The following GLIS3 variants were observed in gnomAD, a reference collection of about 807,000 sequenced individuals.
The protein encoded by GLIS3 is zinc finger protein GLIS3.
A neutral mutation model predicts 78.6 loss-of-function variants in GLIS3; 53 were observed. That is an observed-to-expected ratio of 0.67 (90% CI 0.54 to 0.85). The LOEUF (loss-of-function observed/expected upper bound fraction) is 0.85. Among genes scored for constraint, GLIS3 ranks in the 40% least tolerant of loss-of-function variants. The pLI, the probability that GLIS3 is intolerant of heterozygous loss-of-function variation, is 0.00. For synonymous variants in GLIS3, 684 were observed against 509.9 expected (o/e 1.34, Z -4.60); for missense variants, 1,703 against 1,231.1 (o/e 1.38, Z -5.74).
At chr9:4,028,496 G>A (rs887364107) in intron 4 of GLIS3, among the ~76,000 whole-genome samples, 1 of 152,082 alleles carries the variant, frequency 6.6e-6, no homozygotes, top group Non-Finnish European at 1.5e-5. Flanking sequence ...CAGTAAAATG[G>A]TTATTGAGGT....
chr9:4,475,998 C>T, the GLIS3 span, among the ~76,000 whole-genome samples: 536 of 152,300 alleles, frequency 3.5e-3, 1 homozygote, highest in African/African-American at 0.012. Context: ...ATACTCTCTC[C>T]TCAGCCTCCC....
At chr9:4,394,327 C>G in the GLIS3 span, among the ~76,000 whole-genome samples, 1 of 151,152 alleles carries the variant, frequency 6.6e-6, no homozygotes, top group Non-Finnish European at 1.5e-5. Flanking sequence ...ATTATTATCT[C>G]ATAATTTTAA....
rs1037728573 is a variant in GLIS3, at chr9:4,118,472, C to T, written c.1006G>A (p.Ala336Thr). 3 of 1,613,824 alleles carry T rather than the reference C, an allele frequency of 1.9e-6. No individual in the cohort carries two copies. Among genetic ancestry groups the T allele is most frequent in the African/African-American group, 1.3e-5 (1 of 74,952 alleles). Reference sequence around the variant, plus strand: ...TGCGGGGACAGGTTGGCCGGCGAAGCCCTCGACCCGTTGATGTAGGCCACC... The same window carrying T: ...TGCGGGGACAGGTTGGCCGGCGAAGTCCTCGACCCGTTGATGTAGGCCACC... ...SLVAYINGSR[A>T]SPANLSPQPE... is the part of the protein sequence containing the mutation. Residue 336 changes from alanine (A) to threonine (T), a missense_variant, in exon 4 of 11, where the codon GCT becomes ACT. Transcript: ENST00000381971. This position sits in a 1 kb window ranked among gnomAD's most constrained non-coding sequence, Gnocchi z 4.7.
rs115977984 is a variant in GLIS3 at position 3,977,303 on chromosome 9, A to C, written c.1711-40114T>G. ...GTTTAAAATGTAAGGACCGAGAGGA[A>C]AGCTCTTGGCTCTATCAGCCTTGCC... On this transcript the variant is annotated intron_variant, in intron 4 of 10. Transcript: ENST00000381971. The surrounding 1 kb of genome is among the most constrained non-coding windows in gnomAD (Gnocchi z 4.1). 8.9e-3 allele frequency among the ~76,000 whole-genome samples: 1,363 copies of C among 152,302 alleles called. 24 individuals carry two copies. The highest frequency in any genetic ancestry group is 0.031 in the African/African-American group (1,270 of 41,566).
intron 2 of GLIS3, among the ~76,000 whole-genome samples, chr9:4,337,130 C>G (rs1817766960): frequency 6.6e-6 from 1 of 152,168 alleles, no homozygotes; most frequent in South Asian, 2.1e-4. Flanking sequence ...CAAATTGGTA[C>G]AACTTTTCCC....
intron 4 of GLIS3, among the ~76,000 whole-genome samples, chr9:3,961,605 T>G (rs752647724): frequency 1.1e-4 from 16 of 152,216 alleles, no homozygotes; most frequent in African/African-American, 3.6e-4. Flanking sequence ...TGTGAGGAAA[T>G]AGCATCCCGT....
chr9:4,111,000 C>T (rs139439637), intron 4 of GLIS3, among the ~76,000 whole-genome samples: 123 of 152,188 alleles, frequency 8.1e-4, no homozygotes, highest in African/African-American at 2.8e-3. Context: ...AGAAATATTC[C>T]AAAGGTCACA....
chr9:4,196,966 G>C (rs1424631085), intron 2 of GLIS3, among the ~76,000 whole-genome samples: 3 of 152,166 alleles, frequency 2.0e-5, no homozygotes, highest in Non-Finnish European at 2.9e-5. Context: ...CAGGCACTTG[G>C]AGCATCTGCT....
chr9:4,168,373 T>C (rs1458487325), intron 2 of GLIS3, among the ~76,000 whole-genome samples: 1 of 152,188 alleles, frequency 6.6e-6, no homozygotes, highest in Non-Finnish European at 1.5e-5. Context: ...ATTTGTTCCA[T>C]CCAAGAAAGC....
At chr9:4,062,843 G>C (rs976558150) in intron 4 of GLIS3, among the ~76,000 whole-genome samples, 5 of 151,942 alleles carry the variant, frequency 3.3e-5, no homozygotes, top group African/African-American at 1.2e-4. Flanking sequence ...GCAGGAGAAT[G>C]GCATGAACCC....
At chr9:4,465,201 C>G in the GLIS3 span, among the ~76,000 whole-genome samples, 46 of 152,330 alleles carry the variant, frequency 3.0e-4, 1 homozygote, top group Middle Eastern at 0.02. Context: ...AAAGGATAAT[C>G]CTGTAAGAAT....
At chr9:4,036,484 A>C (rs542908569) in intron 4 of GLIS3, among the ~76,000 whole-genome samples, 1 of 152,330 alleles carries the variant, frequency 6.6e-6, no homozygotes, top group East Asian at 1.9e-4. Context: ...TTGTGAAAGA[A>C]GTAGAGAACT....
Position 4,103,050 on chromosome 9 carries a change from C to T in GLIS3, c.1710+14718G>A, listed in dbSNP as rs1288286482. On this transcript the variant is annotated intron_variant, in intron 4 of 10. Transcript: ENST00000381971. Reference sequence around the variant, plus strand: ...CCAGTCAAATAAAAGAGGCATCCTGCTGGAGCCAATGAAGTTTTATTGCCA... The same window carrying T: ...CCAGTCAAATAAAAGAGGCATCCTGTTGGAGCCAATGAAGTTTTATTGCCA... Among the ~76,000 whole-genome samples the T allele has an allele frequency of 2.0e-5, 3 of 152,096 alleles. No individual in the cohort carries two copies. The East Asian group carries it at 5.8e-4, about 29-fold the overall frequency.
chr9:4,124,821 G>C (rs745964826), intron 3 of GLIS3, among the ~76,000 whole-genome samples: 12 of 152,222 alleles, frequency 7.9e-5, no homozygotes, highest in South Asian at 2.1e-4. Flanking sequence ...CAGGGGCTTA[G>C]AGAGTAAAAT....
chr9:4,426,859 T>A, the GLIS3 span, among the ~76,000 whole-genome samples: 1 of 152,206 alleles, frequency 6.6e-6, no homozygotes. Flanking sequence ...CAAGTAAAAG[T>A]CTTAGCACAG....
intron 2 of GLIS3, among the ~76,000 whole-genome samples, chr9:4,217,821 G>A (rs868236964): frequency 5.3e-5 from 8 of 152,106 alleles, no homozygotes; most frequent in South Asian, 4.2e-4. Context: ...CAAACAAAGG[G>A]ATTTCCGTGG....
chr9:4,283,268 T>G (rs938566600), intron 2 of GLIS3, among the ~76,000 whole-genome samples: 2 of 65,246 alleles, frequency 3.1e-5, no homozygotes, highest in African/African-American at 2.0e-4. Flanking sequence ...TTTGTTTTTT[T>G]GTTTTTTTTT....
intron 2 of GLIS3, among the ~76,000 whole-genome samples, chr9:4,209,139 C>T (rs1047925967): frequency 2.0e-5 from 3 of 152,120 alleles, no homozygotes; most frequent in African/African-American, 7.2e-5. Flanking sequence ...AAAATGGACG[C>T]TCATGCACCA....
In GLIS3 at chr9:3,909,833, T is replaced by C. The variant is rs532466870; in HGVS notation, c.1984-10998A>G. On this transcript the variant is annotated intron_variant, in intron 6 of 10. Transcript: ENST00000381971. ...TATCCAGTTGAAATTTCTGTGACGATGGAAAGGTTCTGCACTGCACTAATT... is the reference window on the plus strand; with the variant it reads ...TATCCAGTTGAAATTTCTGTGACGACGGAAAGGTTCTGCACTGCACTAATT... 3.9e-5 allele frequency among the ~76,000 whole-genome samples: 6 copies of C among 152,348 alleles called. No homozygotes were observed. In the South Asian group the frequency reaches 1.2e-3, roughly 32 times the overall value.
Sources: gnomAD v4.1 joint callset for allele counts (sites outside exome capture counted in the v4.1 genomes callset) on GRCh38, gnomAD v4.1.1 for gene constraint, Gnocchi (gnomAD v3.1) non-coding constraint, MANE v1.5 for transcripts, NCBI Gene and HGNC (gene_info 2026-07-23, HGNC 2026-07-21) for gene names.